PRMT8: variants seen among roughly 807,000 people sequenced by gnomAD.
The protein encoded by PRMT8 is protein arginine methyltransferase 8.
A neutral mutation model predicts 47.1 loss-of-function variants in PRMT8; 7 were observed. That is an observed-to-expected ratio of 0.15 (90% CI 0.08 to 0.28). PRMT8 has a LOEUF of 0.28. PRMT8 is among the 10% of genes least tolerant of loss of function. The pLI is 1.00. For missense variants in PRMT8, 237 were observed against 505.4 expected, an observed-to-expected ratio of 0.47 and a Z score of 5.09; for synonymous variants, 188 against 186.5, an observed-to-expected ratio of 1.01 and a Z score of -0.07.
At chr12:3,428,249 C>CTT (rs35618423) in intron 1 of PRMT8, among the ~76,000 whole-genome samples, 201 of 144,020 alleles carry the variant, frequency 1.4e-3, no homozygotes, top group African/African-American at 4.6e-3. Context: ...TTCTTTCTTT[C>CTT]TTTTTTTTTT....
intron 1 of PRMT8, chr12:3,469,347 G>A: frequency 3.0e-6 from 1 of 335,178 alleles, no homozygotes; most frequent in Non-Finnish European, 5.8e-6. Flanking sequence ...AGATAAAGTG[G>A]AAATTGTCCT....
chr12:3,477,558 G>A (rs2061984596), intron 1 of PRMT8, among the ~76,000 whole-genome samples: 1 of 152,182 alleles, frequency 6.6e-6, no homozygotes, highest in African/African-American at 2.4e-5. Context: ...ACTTCTGATA[G>A]AGATTTTTAA....
chr12:3,389,958 G>A (rs1683456559), intron 1 of PRMT8, among the ~76,000 whole-genome samples: 1 of 152,276 alleles, frequency 6.6e-6, no homozygotes, highest in African/African-American at 2.4e-5. Context: ...TGCATCCGCT[G>A]CAGGCCCTTA....
intron 1 of PRMT8, among the ~76,000 whole-genome samples, chr12:3,452,349 ACC>A (rs1864928349): frequency 1.3e-5 from 2 of 151,926 alleles, no homozygotes; most frequent in African/African-American, 4.8e-5. Flanking sequence ...ACACACACAC[ACC>A]CCACAAGGAG....
chr12:3,391,497 TG>T (rs1412819599), intron 1 of PRMT8, among the ~76,000 whole-genome samples: 1 of 152,178 alleles, frequency 6.6e-6, no homozygotes, highest in Non-Finnish European at 1.5e-5. Flanking sequence ...GGGAGGTCAC[TG>T]GAGCGAGAGA....
chr12:3,390,536 C>A (rs541977200), intron 1 of PRMT8, among the ~76,000 whole-genome samples: 8 of 152,144 alleles, frequency 5.3e-5, no homozygotes, highest in African/African-American at 7.2e-5. Context: ...CTATTTAATC[C>A]TCACAGTAAC....
rs1398568086 is a variant in PRMT8 at position 3,447,704 on chromosome 12, C to CT, written c.48+66268dup. Reference sequence around the variant, plus strand: ...GTCTCTCTCTCCTTCTAGACAATAGCTTTTTTGGAATAATGAGGAATTTCA... The same window carrying CT: ...GTCTCTCTCTCCTTCTAGACAATAGCTTTTTTTGGAATAATGAGGAATTTCA... On this transcript the variant is annotated intron_variant, in intron 1 of 9. Transcript: ENST00000452611. 2.6e-5 allele frequency among the ~76,000 whole-genome samples: 4 copies of CT among 152,244 alleles called. No individual in the cohort carries two copies. The East Asian group carries it at 7.7e-4, about 29-fold the overall frequency.
intron 8 of PRMT8, among the ~76,000 whole-genome samples, chr12:3,591,122 G>A (rs1013288047): frequency 6.6e-6 from 1 of 152,184 alleles, no homozygotes; most frequent in Non-Finnish European, 1.5e-5. Flanking sequence ...GGCAAGGACG[G>A]TGGCCTCTGA....
At chr12:3,490,667 T>G (rs1865374132), upstream of PRMT8, among the ~76,000 whole-genome samples, 1 of 98,934 alleles carries the variant, frequency 1.0e-5, no homozygotes, top group African/African-American at 3.5e-5. Context: ...CCAAGGGCTT[T>G]GGGTACAAAG....
Position 3,535,668 on chromosome 12 carries a change from G to A in PRMT8, c.76-4938G>A, listed in dbSNP as rs1231697263. On this transcript the variant is annotated intron_variant, in intron 1 of 9. Coordinates refer to ENST00000382622, the MANE Select transcript of PRMT8 (RefSeq NM_019854.5). The surrounding 1 kb of genome is among the most constrained non-coding windows in gnomAD (Gnocchi z 4.7). ...GAGCAGGCAGGGCCAGACCTCCAGGGTGATGTGGGCACAGGAACCCTGGAA... is the reference window on the plus strand; with the variant it reads ...GAGCAGGCAGGGCCAGACCTCCAGGATGATGTGGGCACAGGAACCCTGGAA... 6.6e-6 allele frequency among the ~76,000 whole-genome samples: 1 copy of A among 152,208 alleles called. No homozygotes were observed. The highest frequency in any genetic ancestry group is 1.9e-4 in the East Asian group (1 of 5,190).
At chr12:3,445,736 A>C (rs10744614) in intron 1 of PRMT8, among the ~76,000 whole-genome samples, 95,936 of 152,172 alleles carry the variant, frequency 0.63, 34,915 homozygotes, top group Non-Finnish European at 0.81. Flanking sequence ...GAGATTCTGA[A>C]AAGGAAATAC....
At position 3,508,355 on chromosome 12, in the gene PRMT8, C is replaced by T. The variant is rs911437400; in HGVS notation, c.75+16655C>T. ...GAGAACATGCTCATATACAAACATA[C>T]ATATCCTGTGTGATTTGTAGTTCAT... On this transcript the variant is annotated intron_variant, in intron 1 of 9. Coordinates refer to ENST00000382622, the MANE Select transcript of PRMT8 (RefSeq NM_019854.5). This position sits in a 1 kb window ranked among gnomAD's most constrained non-coding sequence, Gnocchi z 4.9. Among the ~76,000 whole-genome samples the T allele has an allele frequency of 6.6e-6, 1 of 152,158 alleles. No individual in the cohort carries two copies. The highest frequency in any genetic ancestry group is 2.1e-4 in the South Asian group (1 of 4,832).
chr12:3,579,824 G>A (rs1358225450), intron 7 of PRMT8, among the ~76,000 whole-genome samples: 1 of 152,162 alleles, frequency 6.6e-6, no homozygotes, highest in African/African-American at 2.4e-5. Context: ...TTGTTTAACG[G>A]TGGGGATCGC....
At chr12:3,588,265 C>T (rs180695857) in intron 8 of PRMT8, among the ~76,000 whole-genome samples, 1 of 152,212 alleles carries the variant, frequency 6.6e-6, no homozygotes, top group African/African-American at 2.4e-5. Context: ...GCATAGTCCT[C>T]AATTCTCCAA....
chr12:3,483,245 C>T (rs1245237749), intron 1 of PRMT8, among the ~76,000 whole-genome samples: 1 of 152,176 alleles, frequency 6.6e-6, no homozygotes, highest in Non-Finnish European at 1.5e-5. Context: ...GCTCCCTCTC[C>T]CGTCTGCGAG....
At chr12:3,468,321 C>T (rs994391205) in intron 1 of PRMT8, among the ~76,000 whole-genome samples, 1 of 152,250 alleles carries the variant, frequency 6.6e-6, no homozygotes, top group Non-Finnish European at 1.5e-5. Flanking sequence ...CCATTCCCAT[C>T]GGCCAGGAGG....
intron 1 of PRMT8, among the ~76,000 whole-genome samples, chr12:3,438,489 A>T (rs1005348976): frequency 6.6e-6 from 1 of 152,228 alleles, no homozygotes; most frequent in Non-Finnish European, 1.5e-5. Context: ...CCATGATATC[A>T]ACAAGGTCTT....
At chr12:3,542,976 A>G (rs1385544004) in intron 2 of PRMT8, among the ~76,000 whole-genome samples, 1 of 152,266 alleles carries the variant, frequency 6.6e-6, no homozygotes, top group African/African-American at 2.4e-5. Flanking sequence ...GTTTCACCAA[A>G]TAAATACTAG....
At position 3,540,623 on chromosome 12, in the gene PRMT8, C is replaced by CCCCCCCCCCCCCCCCCCG; in HGVS notation, c.94_95insCCCCCCCCCCCCCCCCGC (p.Ser31_Gln32insProProProProProPro). On this transcript the variant is annotated inframe_insertion, in exon 2 of 10. Coordinates refer to ENST00000382622, the MANE Select transcript of PRMT8 (RefSeq NM_019854.5). ...CCCCTCAGGTGAACAGCCCCCCCTC[C>CCCCCCCCCCCCCCCCCCG]CAGCCCCCCCAGCCCGTCGTCCCTG... 2 of 959,286 alleles carry CCCCCCCCCCCCCCCCCCG rather than the reference C, an allele frequency of 2.1e-6. No homozygotes were observed. The highest frequency in any genetic ancestry group is 3.3e-6 in the Non-Finnish European group (2 of 615,376). The allele number at this position is 959,286 out of a possible 1,614,324, so 59.4% of individuals were successfully genotyped here. A position where few individuals can be genotyped will look rare whatever the true frequency, so the allele number is the denominator to read the frequency against.
Sources: allele counts gnomAD v4.1 joint callset (sites outside exome capture counted in the v4.1 genomes callset), GRCh38; gene constraint gnomAD v4.1.1; non-coding constraint Gnocchi (gnomAD v3.1); transcripts MANE v1.5; gene names NCBI Gene and HGNC (gene_info 2026-07-23, HGNC 2026-07-21).